ZFP91: variants seen among roughly 807,000 people sequenced by gnomAD.
ZFP91 encodes E3 ubiquitin-protein ligase ZFP91.
In ZFP91, 7 loss-of-function variants were observed where a neutral mutation model predicts 63.5. The ratio of observed to expected loss-of-function variants is 0.11; its 90% CI spans 0.06 to 0.21. The LOEUF is 0.21. ZFP91 is among the 10% of genes least tolerant of loss of function. ZFP91 has a pLI of 1.00. For missense variants in ZFP91, 628 were observed against 736.6 expected (o/e 0.85, Z 1.71); for synonymous variants, 330 against 272.1 (o/e 1.21, Z -2.10).
chr11:58,605,109 G>A (rs1855550260), intron 2 of ZFP91, among the ~76,000 whole-genome samples: 1 of 151,830 alleles, frequency 6.6e-6, no homozygotes, highest in South Asian at 2.1e-4. Flanking sequence ...ATTTTCTTAG[G>A]GGTTACCTGG....
rs55867213 is a variant in ZFP91 at position 58,596,848 on chromosome 11, A to C, written c.370+11964A>C. 8.1e-3 allele frequency among the ~76,000 whole-genome samples: 1,230 copies of C among 152,220 alleles called. 5 individuals are homozygous for C. Among genetic ancestry groups the C allele is most frequent in the Non-Finnish European group, 0.012 (801 of 67,996 alleles). ...TAACGATGGCATCTTCAGTGGTGTA[A>C]TCCTTCCTGACTTTCATGATGTTCT... On this transcript the variant is annotated intron_variant, in intron 2 of 10. Coordinates refer to ENST00000316059, the MANE Select transcript of ZFP91 (RefSeq NM_053023.5).
chr11:58,600,326 A>G (rs1266283362), intron 2 of ZFP91, among the ~76,000 whole-genome samples: 8 of 152,026 alleles, frequency 5.3e-5, no homozygotes, highest in Admixed American at 2.6e-4. Flanking sequence ...TTTTTATTCT[A>G]TTGTAAAGGT....
Position 58,579,231 on chromosome 11 carries a change from G to C in ZFP91, c.-51G>C. The stretch of plus-strand genomic sequence containing the variant: ...CGGGGGGAGCAGCGCCGAGGCCGCC[G>C]CCTCCGCCTCCGCCGCCTAGGACTA... On this transcript the variant is annotated 5_prime_UTR_variant, in exon 1 of 11. Coordinates refer to ENST00000316059, the MANE Select transcript of ZFP91 (RefSeq NM_053023.5). 1 of 1,349,646 alleles carries C rather than the reference G, an allele frequency of 7.4e-7. No individual in the cohort carries two copies. Among genetic ancestry groups the C allele is most frequent in the Non-Finnish European group, 9.5e-7 (1 of 1,054,034 alleles). The allele number at this position is 1,349,646 out of a possible 1,614,324, so 83.6% of individuals were successfully genotyped here. A position where few individuals can be genotyped will look rare whatever the true frequency, so the allele number is the denominator to read the frequency against.
At chr11:58,603,491 C>T (rs906041794) in intron 2 of ZFP91, among the ~76,000 whole-genome samples, 2 of 152,204 alleles carry the variant, frequency 1.3e-5, no homozygotes, top group Non-Finnish European at 2.9e-5. Flanking sequence ...GGAGGACTCT[C>T]ATTTGGTGGC....
At chr11:58,606,353 C>T (rs1055601564) in intron 2 of ZFP91, among the ~76,000 whole-genome samples, 4 of 152,182 alleles carry the variant, frequency 2.6e-5, no homozygotes, top group Admixed American at 2.6e-4. Flanking sequence ...AGGTGTGAGC[C>T]ACTGTACCCG....
intron 6 of ZFP91, 103 bp from the exon 7 acceptor site, chr11:58,612,175 C>T: frequency 8.5e-7 from 1 of 1,182,622 alleles, no homozygotes; most frequent in Non-Finnish European, 1.2e-6. Context: ...TATCCTTTGC[C>T]ACTTGTTCTT....
intron 2 of ZFP91, among the ~76,000 whole-genome samples, chr11:58,603,214 T>C (rs1385396053): frequency 6.6e-6 from 1 of 152,246 alleles, no homozygotes; most frequent in Non-Finnish European, 1.5e-5. Flanking sequence ...AAACAACGTG[T>C]AGAAGGTATA....
chr11:58,579,578 G>A lies in ZFP91; in HGVS notation c.297G>A (p.Ala99=). 1 of 1,584,342 alleles carries A rather than the reference G, an allele frequency of 6.3e-7. No individual in the cohort carries two copies. Among genetic ancestry groups the A allele is most frequent in the Non-Finnish European group, 8.6e-7 (1 of 1,168,500 alleles). The change falls in exon 1 of 11, where the codon GCG becomes GCA. Residue 99 remains alanine (A), a synonymous_variant. Coordinates refer to ENST00000316059, the MANE Select transcript of ZFP91 (RefSeq NM_053023.5). The stretch of plus-strand genomic sequence containing the variant: ...TCCCCGGGCAGCAGCCCCAGGCCGC[G>A]AAGTCCCCGTCTCCAGTTCAGGGCA... ...PDVPGQQPQA[A]KSPSPVQGKK...
At chr11:58,612,862 G>T (rs1467462371) in intron 8 of ZFP91, 22 bp downstream of exon 8, 3 of 1,597,786 alleles carry the variant, frequency 1.9e-6, no homozygotes, top group Non-Finnish European at 2.6e-6. Flanking sequence ...TGTTATATAA[G>T]AGCCTTTCAG....
chr11:58,591,646 T>A lies in ZFP91; in HGVS notation c.370+6762T>A, dbSNP rs77164576. On this transcript the variant is annotated intron_variant, in intron 2 of 10. Coordinates refer to ENST00000316059, the MANE Select transcript of ZFP91 (RefSeq NM_053023.5). ...ACCATTAATCTACTTTCTGTCTGTATAGATTTGTTTTTTTTCTGGACATTT... is the reference window on the plus strand; with the variant it reads ...ACCATTAATCTACTTTCTGTCTGTAAAGATTTGTTTTTTTTCTGGACATTT... Among the ~76,000 whole-genome samples, 195 of 152,334 alleles carry A rather than the reference T, an allele frequency of 1.3e-3. 3 individuals carry two copies. In the East Asian group the frequency reaches 0.034, roughly 27 times the overall value.
At chr11:58,612,482 T>C (rs1297439923) in intron 7 of ZFP91, 154 bp downstream of exon 7, 1 of 707,170 alleles carries the variant, frequency 1.4e-6, no homozygotes, top group Non-Finnish European at 2.3e-6. Context: ...GGTGTTATGA[T>C]CTTATTTTCA....
At chr11:58,605,644 T>G (rs1234441581) in intron 2 of ZFP91, among the ~76,000 whole-genome samples, 4 of 152,182 alleles carry the variant, frequency 2.6e-5, no homozygotes, top group African/African-American at 9.7e-5. Context: ...TTAATCTTGT[T>G]GAGTATTCCT....
intron 2 of ZFP91, 24 bp downstream of exon 2, chr11:58,584,908 CT>C (rs1256896068): frequency 2.7e-6 from 4 of 1,496,690 alleles, no homozygotes; most frequent in Non-Finnish European, 3.5e-6. Flanking sequence ...ATCCTTACCT[CT>C]AGCGTACATT....
At position 58,579,591 on chromosome 11, in the gene ZFP91, C is replaced by T; in HGVS notation, c.310C>T (p.Pro104Ser). 3 of 1,580,390 alleles carry T rather than the reference C, an allele frequency of 1.9e-6. No homozygotes were observed. Among genetic ancestry groups the T allele is most frequent in the South Asian group, 1.1e-5 (1 of 88,500 alleles). The change falls in exon 1 of 11, where the codon CCA (proline) becomes TCA (serine). Residue 104 changes from proline (P) to serine (S), a missense_variant. This residue lies in a region of ZFP91 where 437 missense variants were observed against 380.3 expected (regional missense o/e 1.15). Transcript: ENST00000316059. The part of the protein sequence containing the change: ...QQPQAAKSPS[P>S]VQGKKSPRLL... Reference sequence around the variant, plus strand: ...GCCCCAGGCCGCGAAGTCCCCGTCTCCAGTTCAGGGCAAGAAGAGTCCGCG... The same window carrying T: ...GCCCCAGGCCGCGAAGTCCCCGTCTTCAGTTCAGGGCAAGAAGAGTCCGCG...
intron 2 of ZFP91, among the ~76,000 whole-genome samples, chr11:58,589,980 C>T (rs1013100153): frequency 2.0e-5 from 3 of 152,130 alleles, no homozygotes; most frequent in African/African-American, 4.8e-5. Context: ...AACTTATTGC[C>T]ATCTTCGACA....
Position 58,621,320 on chromosome 11 carries a change from T to C in ZFP91, c.*3614T>C, listed in dbSNP as rs905080923. ...TTAATTAACCTAGTAGATGGAAAAT[T>C]AAGGATTATGTGAGGTTAATTTTAC... On this transcript the variant is annotated 3_prime_UTR_variant, in exon 11 of 11. Coordinates refer to ENST00000316059, the MANE Select transcript of ZFP91 (RefSeq NM_053023.5). Among the ~76,000 whole-genome samples the C allele has an allele frequency of 1.3e-5, 2 of 152,236 alleles. No individual in the cohort carries two copies. The highest frequency in any genetic ancestry group is 4.8e-5 in the African/African-American group (2 of 41,466).
chr11:58,607,712 T>G (rs971489140), intron 2 of ZFP91, among the ~76,000 whole-genome samples: 6 of 152,204 alleles, frequency 3.9e-5, no homozygotes, highest in African/African-American at 1.4e-4. Context: ...TTTTTTAATG[T>G]TAAGCAAAAA....
Position 58,600,903 on chromosome 11 carries a change from A to G in ZFP91, c.371-8927A>G, listed in dbSNP as rs185801531. On this transcript the variant is annotated intron_variant, in intron 2 of 10. Coordinates refer to ENST00000316059, the MANE Select transcript of ZFP91 (RefSeq NM_053023.5). The stretch of plus-strand genomic sequence containing the variant: ...GGTTCTTTTTCTTTTTTCTACATCA[A>G]TTGAGATAATGGTGTGTTTTTTCCT... Among the ~76,000 whole-genome samples, 4 of 152,206 alleles carry G rather than the reference A, an allele frequency of 2.6e-5. No individual in the cohort carries two copies. In the East Asian group the frequency reaches 5.8e-4, roughly 22 times the overall value.
chr11:58,586,773 T>C (rs925738184), intron 2 of ZFP91, among the ~76,000 whole-genome samples: 1 of 152,244 alleles, frequency 6.6e-6, no homozygotes. Context: ...TTCTCAGTTA[T>C]TCTGGTACTC....
Sources: gnomAD v4.1 joint callset for allele counts (sites outside exome capture counted in the v4.1 genomes callset) on GRCh38, gnomAD v4.1.1 for gene constraint, gnomAD v4.1.1 regional missense constraint, MANE v1.5 for transcripts, NCBI Gene and HGNC (gene_info 2026-07-23, HGNC 2026-07-21) for gene names.